The following BACH2 variants were observed in gnomAD, a reference collection of about 807,000 sequenced individuals.
The protein encoded by BACH2 is transcription regulator protein BACH2.
A neutral mutation model predicts 61.8 loss-of-function variants in BACH2; 5 were observed. That is an observed-to-expected ratio of 0.08 (90% CI 0.04 to 0.17). BACH2 has a LOEUF of 0.17. BACH2 is among the 10% of genes least tolerant of loss of function. The pLI, the probability that BACH2 is intolerant of heterozygous loss-of-function variation, is 1.00. For synonymous variants in BACH2, 446 were observed against 440.1 expected (o/e 1.01, Z -0.17); for missense variants, 824 against 1,091.1 (o/e 0.76, Z 3.45).
chr6:90,242,810 T>C (rs988721262), intron 3 of BACH2, among the ~76,000 whole-genome samples: 1 of 152,142 alleles, frequency 6.6e-6, no homozygotes, highest in Admixed American at 6.5e-5. Context: ...CTAACTAAAC[T>C]TGAAAGATAA....
intron 4 of BACH2, among the ~76,000 whole-genome samples, chr6:90,144,518 T>G (rs1174808300): frequency 7.2e-5 from 11 of 152,194 alleles, no homozygotes; most frequent in African/African-American, 2.4e-4. Context: ...AAGCAGGGGT[T>G]GAGCCAAAAA....
chr6:90,150,954 C>T (rs1308072969), intron 4 of BACH2, among the ~76,000 whole-genome samples: 1 of 152,166 alleles, frequency 6.6e-6, no homozygotes, highest in Non-Finnish European at 1.5e-5. Context: ...CTGTATAATT[C>T]ACCATTAAAC....
chr6:90,039,948 GGAGAAGCTCTTTAAATATTA>G (rs1225800761), intron 5 of BACH2, among the ~76,000 whole-genome samples: 1 of 150,572 alleles, frequency 6.6e-6, no homozygotes, highest in Non-Finnish European at 1.5e-5. Context: ...TTTCTGCCTT[GGAGAAGCTCTTTAAATATTA>G]GGGAAATCAG....
chr6:90,013,224 C>T (rs1454128425), intron 5 of BACH2, among the ~76,000 whole-genome samples: 1 of 152,090 alleles, frequency 6.6e-6, no homozygotes, highest in Non-Finnish European at 1.5e-5. Flanking sequence ...ATAAAGATCT[C>T]TTACTTTTTT....
intron 3 of BACH2, among the ~76,000 whole-genome samples, chr6:90,245,536 C>A (rs1450592787): frequency 6.6e-6 from 1 of 152,150 alleles, no homozygotes; most frequent in African/African-American, 2.4e-5. Flanking sequence ...TGCACTCCGG[C>A]CTGGTTGACA....
rs541214593 is a variant in BACH2, at chr6:90,231,711, C to T, written c.-275+20802G>A. 2.0e-5 allele frequency among the ~76,000 whole-genome samples: 3 copies of T among 152,306 alleles called. No individual in the cohort carries two copies. In the South Asian group the frequency reaches 6.2e-4, roughly 32 times the overall value. ...CTGCCAAACATAATAAGAGATGCCA[C>T]TTGCTATTATAGCCAATAATAAAAG... On this transcript the variant is annotated intron_variant, in intron 3 of 8. Transcript: ENST00000257749.
chr6:90,080,632 A>G (rs539214581), intron 5 of BACH2: 67 of 405,988 alleles, frequency 1.7e-4, no homozygotes, highest in Non-Finnish European at 2.2e-4. Flanking sequence ...TGTTCCTCTG[A>G]GCCCTCTGCA....
At chr6:90,057,028 C>G (rs1354191986) in intron 5 of BACH2, among the ~76,000 whole-genome samples, 1 of 152,040 alleles carries the variant, frequency 6.6e-6, no homozygotes, top group Non-Finnish European at 1.5e-5. Flanking sequence ...CAGGAGAGAT[C>G]TAAAATTGAC....
chr6:90,229,279 T>C (rs1447611460), intron 3 of BACH2, among the ~76,000 whole-genome samples: 1 of 152,062 alleles, frequency 6.6e-6, no homozygotes, highest in Non-Finnish European at 1.5e-5. Flanking sequence ...GCCAACATGG[T>C]GAAACCCCGT....
At chr6:90,018,317 A>G (rs894808534) in intron 5 of BACH2, among the ~76,000 whole-genome samples, 1 of 152,086 alleles carries the variant, frequency 6.6e-6, no homozygotes, top group Non-Finnish European at 1.5e-5. Flanking sequence ...CTCTATTATC[A>G]TCTTTCCAGA....
intron 4 of BACH2, among the ~76,000 whole-genome samples, chr6:90,177,766 T>C (rs1768028333): frequency 6.6e-6 from 1 of 152,186 alleles, no homozygotes; most frequent in South Asian, 2.1e-4. Flanking sequence ...GGCTTCACTT[T>C]CCTCATGGGG....
At chr6:90,204,042 C>G (rs1769051751) in intron 4 of BACH2, among the ~76,000 whole-genome samples, 1 of 152,090 alleles carries the variant, frequency 6.6e-6, no homozygotes, top group Non-Finnish European at 1.5e-5. Context: ...GGGATGGTCT[C>G]TAATGGATTC....
intron 6 of BACH2, among the ~76,000 whole-genome samples, chr6:89,990,637 A>C: frequency 1.4e-5 from 2 of 145,158 alleles, no homozygotes; most frequent in African/African-American, 2.5e-5. Flanking sequence ...ACCCACCCCC[A>C]CCGACCCCTC....
chr6:90,294,097 C>G (rs1296604452), intron 1 of BACH2, among the ~76,000 whole-genome samples: 9 of 152,134 alleles, frequency 5.9e-5, no homozygotes. Context: ...AAGTAACTAA[C>G]AGGAGTGTTC....
At chr6:89,956,062 C>G (rs1249570308) in intron 6 of BACH2, among the ~76,000 whole-genome samples, 1 of 152,210 alleles carries the variant, frequency 6.6e-6, no homozygotes, top group Admixed American at 6.5e-5. Context: ...CTAAAATCCA[C>G]TGGTCAGCAG....
intron 3 of BACH2, among the ~76,000 whole-genome samples, chr6:90,215,958 T>C (rs1769521680): frequency 6.6e-6 from 1 of 152,232 alleles, no homozygotes; most frequent in African/African-American, 2.4e-5. Flanking sequence ...GAAAGGAATC[T>C]GCCTTCCATT....
At chr6:89,976,371 G>A (rs941647793) in intron 6 of BACH2, among the ~76,000 whole-genome samples, 2 of 152,208 alleles carry the variant, frequency 1.3e-5, no homozygotes, top group Non-Finnish European at 2.9e-5. Context: ...TGCCTTAGGG[G>A]GCATCTGTAA....
At chr6:89,982,891 G>A (rs1399968161) in intron 6 of BACH2, among the ~76,000 whole-genome samples, 1 of 152,140 alleles carries the variant, frequency 6.6e-6, no homozygotes, top group Non-Finnish European at 1.5e-5. Flanking sequence ...TCTAACAAAT[G>A]TTTTCTTTTC....
chr6:90,123,074 GA>G (rs1418996501), intron 4 of BACH2, among the ~76,000 whole-genome samples: 1 of 152,166 alleles, frequency 6.6e-6, no homozygotes, highest in African/African-American at 2.4e-5. Context: ...CTTTATGTTG[GA>G]AAAGGACCTT....
Sources: allele counts gnomAD v4.1 joint callset (sites outside exome capture counted in the v4.1 genomes callset), GRCh38; gene constraint gnomAD v4.1.1; transcripts MANE v1.5; gene names NCBI Gene and HGNC (gene_info 2026-07-23, HGNC 2026-07-21).